Variants in SOD2 observed in about 807,000 individuals in gnomAD.
The protein encoded by SOD2 is superoxide dismutase [Mn], mitochondrial.
A neutral mutation model predicts 27.0 loss-of-function variants in SOD2; 11 were observed. That is an observed-to-expected ratio of 0.41 (90% CI 0.26 to 0.67). The LOEUF (loss-of-function observed/expected upper bound fraction) is 0.67, where lower values mean the gene tolerates loss of function less well. Among genes scored for constraint, SOD2 ranks in the 30% least tolerant of loss-of-function variants. The probability of loss-of-function intolerance (pLI) is 0.34; values close to 1 mark genes in which losing one functional copy is unlikely to be tolerated. For missense variants in SOD2, 250 were observed against 274.5 expected (o/e 0.91, Z 0.63); for synonymous variants, 105 against 103.0 (o/e 1.02, Z -0.12).
At position 159,672,954 on chromosome 6, in the gene SOD2, C is replaced by G. The variant is rs907000079; in HGVS notation, c.*9539G>C. ...AAAAGGCCGGGGTTGCAATCCTAGT[C>G]TCTGATAAAACAGACTTTAAACCAA... On this transcript the variant is annotated 3_prime_UTR_variant, in exon 5 of 5. Coordinates refer to ENST00000538183, the MANE Select transcript of SOD2 (RefSeq NM_000636.4). 5 of 152,092 alleles carry G rather than the reference C, an allele frequency of 3.3e-5. No homozygotes were observed. Among genetic ancestry groups the G allele is most frequent in the Admixed American group, 3.3e-4 (5 of 15,262 alleles). 9.4% of individuals were successfully genotyped at this position (152,092 alleles called of 1,614,324 possible).
At chr6:159,691,601 GAATA>G (rs1777196386) in intron 2 of SOD2, 5 of 151,418 alleles carry the variant, frequency 3.3e-5, no homozygotes, top group Admixed American at 3.3e-4. Flanking sequence ...AACCACTAAC[GAATA>G]AATTAAAAAG....
chr6:159,723,972 A>G (rs1243692699), intron 1 of SOD2, among the ~76,000 whole-genome samples: 2 of 152,182 alleles, frequency 1.3e-5, no homozygotes, highest in Non-Finnish European at 2.9e-5. Flanking sequence ...TGTGTTGCCC[A>G]GGCTGGTCTT....
chr6:159,744,330 C>T (rs1379565464), intron 1 of SOD2, among the ~76,000 whole-genome samples: 2 of 152,164 alleles, frequency 1.3e-5, no homozygotes, highest in South Asian at 2.1e-4. Context: ...AGTTTAGGCT[C>T]AATCTTACGG....
upstream of SOD2, among the ~76,000 whole-genome samples, chr6:159,731,692 A>AC (rs1306085597): frequency 6.6e-6 from 1 of 152,148 alleles, no homozygotes; most frequent in Non-Finnish European, 1.5e-5. Context: ...TGTGCCAGTT[A>AC]CCATGCTAAA....
At chr6:159,687,239 C>CTT (rs1780233400) in intron 3 of SOD2, among the ~76,000 whole-genome samples, 2 of 152,140 alleles carry the variant, frequency 1.3e-5, no homozygotes, top group Admixed American at 1.3e-4. Context: ...TACCACAGCA[C>CTT]TTTGGGAGGC....
At chr6:159,734,299 C>T (rs1164457340) in intron 1 of SOD2, among the ~76,000 whole-genome samples, 1 of 151,412 alleles carries the variant, frequency 6.6e-6, no homozygotes, top group Non-Finnish European at 1.5e-5. Context: ...CAAGTGTGAG[C>T]CACCACACCA....
Position 159,692,234 on chromosome 6 carries a change from C to T in SOD2, c.226+427G>A. On this transcript the variant is annotated intron_variant, in intron 2 of 4. Transcript: ENST00000538183. The stretch of plus-strand genomic sequence containing the variant: ...CCACCAGTGGACAGGCGCTCTCAGC[C>T]CTCCTGCAAACGGCTGGCACACCTA... 1.5e-5 allele frequency: 6 copies of T among 401,238 alleles called. No homozygotes were observed. In the East Asian group the frequency reaches 2.0e-4, roughly 14 times the overall value. The allele number at this position is 401,238 out of a possible 1,614,324, so 24.9% of individuals were successfully genotyped here.
rs868785654 is a variant in SOD2 at position 159,741,894 on chromosome 6, A to G, written c.-116+3236T>C. ...TGAGGCAGGGACATCGCTTGAGCCCAGACCCTGTTTGCGCCACGCTGCACT... is the reference window on the plus strand; with the variant it reads ...TGAGGCAGGGACATCGCTTGAGCCCGGACCCTGTTTGCGCCACGCTGCACT... On this transcript the variant is annotated intron_variant, in intron 1 of 3. Coordinates refer to the SOD2 transcript ENST00000537657. 7 of 472,952 alleles carry G rather than the reference A, an allele frequency of 1.5e-5. No homozygotes were observed. In the Middle Eastern group the frequency reaches 2.5e-3, roughly 166 times the overall value. 29.3% of individuals were successfully genotyped at this position (472,952 alleles called of 1,614,324 possible).
chr6:159,694,720 C>T (rs981322159), upstream of SOD2, among the ~76,000 whole-genome samples: 3 of 151,494 alleles, frequency 2.0e-5, no homozygotes, highest in Non-Finnish European at 2.9e-5. Context: ...CTCAGCCTCC[C>T]GAGTAGCTGG....
At chr6:159,754,869 T>G (rs897550686) in intron 1 of SOD2, among the ~76,000 whole-genome samples, 4 of 152,198 alleles carry the variant, frequency 2.6e-5, no homozygotes, top group African/African-American at 9.7e-5. Flanking sequence ...TCAGTCATAT[T>G]TTAAGATTCC....
intron 1 of SOD2, chr6:159,736,615 A>G (rs1256787403): frequency 9.6e-6 from 2 of 208,768 alleles, no homozygotes; most frequent in Non-Finnish European, 9.5e-6. Flanking sequence ...TTCCAGGTAC[A>G]TATATACAAA....
upstream of SOD2, among the ~76,000 whole-genome samples, chr6:159,749,849 A>T (rs992444662): frequency 1.3e-5 from 2 of 152,180 alleles, no homozygotes; most frequent in Non-Finnish European, 2.9e-5. Context: ...CTGGAGGTGA[A>T]TTTTTTCCGT....
At chr6:159,760,919 CAGAGT>C (rs1442888589) in intron 1 of SOD2, 2 of 152,276 alleles carry the variant, frequency 1.3e-5, no homozygotes, top group Admixed American at 6.5e-5. Context: ...GAGTTCTTAG[CAGAGT>C]AGACAGCTGA....
intron 2 of SOD2, among the ~76,000 whole-genome samples, chr6:159,690,027 T>C (rs1335621302): frequency 6.6e-6 from 1 of 151,776 alleles, no homozygotes; most frequent in Non-Finnish European, 1.5e-5. Context: ...CTCACGCCTG[T>C]AATCCCAGCA....
intron 1 of SOD2, among the ~76,000 whole-genome samples, chr6:159,759,917 A>G (rs1780088680): frequency 6.6e-6 from 1 of 152,222 alleles, no homozygotes; most frequent in Non-Finnish European, 1.5e-5. Context: ...TACTCATTCA[A>G]ATGTGCTAGG....
intron 2 of SOD2, among the ~76,000 whole-genome samples, chr6:159,690,660 G>A (rs1367845046): frequency 6.6e-6 from 1 of 151,764 alleles, no homozygotes; most frequent in Non-Finnish European, 1.5e-5. Flanking sequence ...AAATTTTCTT[G>A]AGAGTCACTC....
chr6:159,673,719 C>G lies in SOD2; in HGVS notation c.*8774G>C, dbSNP rs1393898043. On this transcript the variant is annotated 3_prime_UTR_variant, in exon 5 of 5. Coordinates refer to ENST00000538183, the MANE Select transcript of SOD2 (RefSeq NM_000636.4). Reference sequence around the variant, plus strand: ...AAGCAAGAGCAAACACATTCAACAGCTAGCAGAAGACAAGAAATAACTAAG... The same window carrying G: ...AAGCAAGAGCAAACACATTCAACAGGTAGCAGAAGACAAGAAATAACTAAG... 1 of 152,094 alleles carries G rather than the reference C, an allele frequency of 6.6e-6. No individual in the cohort carries two copies. The highest frequency in any genetic ancestry group is 2.4e-5 in the African/African-American group (1 of 41,420). 9.4% of individuals were successfully genotyped at this position (152,094 alleles called of 1,614,324 possible).
chr6:159,758,643 A>G (rs1408003640), intron 1 of SOD2, among the ~76,000 whole-genome samples: 3 of 152,164 alleles, frequency 2.0e-5, no homozygotes, highest in Non-Finnish European at 4.4e-5. Flanking sequence ...TAATGTCATT[A>G]ACTGATCTGG....
chr6:159,748,013 GTT>G (rs2114945226), upstream of SOD2, among the ~76,000 whole-genome samples: 1 of 152,272 alleles, frequency 6.6e-6, no homozygotes, highest in East Asian at 1.9e-4. This position sits in a 1 kb window ranked among gnomAD's most constrained non-coding sequence, Gnocchi z 5.6. Flanking sequence ...TCATCAAATA[GTT>G]TTTAGTCTGT....
Sources: gnomAD v4.1 joint callset for allele counts (sites outside exome capture counted in the v4.1 genomes callset) on GRCh38, gnomAD v4.1.1 for gene constraint, Gnocchi (gnomAD v3.1) non-coding constraint, MANE v1.5 for transcripts, NCBI Gene and HGNC (gene_info 2026-07-23, HGNC 2026-07-21) for gene names.